Variants in SNX6 observed in about 807,000 individuals in gnomAD.
SNX6 encodes the protein sorting nexin 6.
SNX6 carries 34 observed loss-of-function variants against 63.0 expected under a neutral mutation model. That is an observed-to-expected ratio of 0.54 (90% CI 0.41 to 0.72). The LOEUF is 0.72. SNX6 is among the 30% of genes least tolerant of loss of function. The pLI is 0.00. For synonymous variants in SNX6, 170 were observed against 164.2 expected, an observed-to-expected ratio of 1.04 and a Z score of -0.27; for missense variants, 398 against 471.4, an observed-to-expected ratio of 0.84 and a Z score of 1.44.
At chr14:34,607,433 C>T (rs1594739152) in intron 4 of SNX6, among the ~76,000 whole-genome samples, 1 of 151,628 alleles carries the variant, frequency 6.6e-6, no homozygotes, top group African/African-American at 2.4e-5. Context: ...ATGGCGAAAT[C>T]CCGTCTCTAC....
chr14:34,595,047 G>A (rs976377793), intron 7 of SNX6, among the ~76,000 whole-genome samples: 7 of 152,080 alleles, frequency 4.6e-5, no homozygotes, highest in Non-Finnish European at 7.4e-5. Context: ...AGCCGAGATT[G>A]GGGCACTGCA....
chr14:34,600,292 T>C (rs1463313622), intron 6 of SNX6, among the ~76,000 whole-genome samples: 1 of 152,146 alleles, frequency 6.6e-6, no homozygotes, highest in Non-Finnish European at 1.5e-5. Context: ...GTCCAGCTTA[T>C]GTTTGCGTTT....
intron 8 of SNX6, among the ~76,000 whole-genome samples, chr14:34,592,033 G>C (rs909112153): frequency 2.6e-5 from 4 of 152,180 alleles, no homozygotes; most frequent in South Asian, 2.1e-4. Context: ...CAAGGGTAGA[G>C]ATTACAATCA....
Position 34,562,481 on chromosome 14 carries a change from C to G in SNX6, c.*641G>C, listed in dbSNP as rs1474149814. ...GATACAATGACCATAGAGTTAAAAA[C>G]TATCACTGTTATCGCTGTTTATTTT... On this transcript the variant is annotated 3_prime_UTR_variant, in exon 14 of 14. Coordinates refer to ENST00000362031, the MANE Select transcript of SNX6 (RefSeq NM_152233.4). 1 of 152,648 alleles carries G rather than the reference C, an allele frequency of 6.6e-6. No homozygotes were observed. The highest frequency in any genetic ancestry group is 1.5e-5 in the Non-Finnish European group (1 of 68,050). 9.5% of individuals were successfully genotyped at this position (152,648 alleles called of 1,614,324 possible). A position where few individuals can be genotyped will look rare whatever the true frequency, so the allele number is the denominator to read the frequency against.
chr14:34,629,465 A>G (rs1291016711), intron 2 of SNX6: 2 of 467,458 alleles, frequency 4.3e-6, no homozygotes, highest in Non-Finnish European at 8.5e-6. Flanking sequence ...CACCTGTACT[A>G]TTTGAGAGAG....
chr14:34,563,225 G>C (rs761561381), intron 13 of SNX6, 50 bp from the exon 14 acceptor site: 9 of 1,517,220 alleles, frequency 5.9e-6, no homozygotes, highest in Non-Finnish European at 8.2e-6. Flanking sequence ...AAACAATTCA[G>C]AAGACTCCTA....
intron 11 of SNX6, among the ~76,000 whole-genome samples, chr14:34,574,778 G>A (rs1055785096): frequency 6.6e-5 from 10 of 151,566 alleles, no homozygotes; most frequent in African/African-American, 1.9e-4. Context: ...GGCTGGTCTC[G>A]AACTCCCAAA....
intron 7 of SNX6, among the ~76,000 whole-genome samples, chr14:34,594,990 G>T (rs1024698450): frequency 4.6e-5 from 7 of 152,144 alleles, no homozygotes; most frequent in Non-Finnish European, 1.0e-4. Context: ...TACTTGGGAG[G>T]TTGAAGTGGG....
intron 8 of SNX6, among the ~76,000 whole-genome samples, chr14:34,587,725 G>A (rs1459730514): frequency 6.6e-6 from 1 of 151,494 alleles, no homozygotes; most frequent in Non-Finnish European, 1.5e-5. Flanking sequence ...TCAAGCTCCT[G>A]GGCTCAAGTG....
intron 9 of SNX6, among the ~76,000 whole-genome samples, chr14:34,584,189 C>T (rs571236507): frequency 3.3e-5 from 5 of 152,066 alleles, no homozygotes; most frequent in Admixed American, 2.6e-4. Context: ...CTTGCTTTGC[C>T]AAAAAGCGTG....
At chr14:34,604,389 G>T in intron 5 of SNX6, 2 of 819,612 alleles carry the variant, frequency 2.4e-6, no homozygotes, top group Non-Finnish European at 3.1e-6. Context: ...ATATCTGTCT[G>T]CTATCAGACC....
At chr14:34,573,581 A>G (rs111900120) in intron 11 of SNX6, among the ~76,000 whole-genome samples, 47 of 152,180 alleles carry the variant, frequency 3.1e-4, no homozygotes, top group African/African-American at 1.0e-3. Flanking sequence ...CCTTAAAAAA[A>G]AAACAAATTG....
chr14:34,630,105 A>G lies in SNX6; in HGVS notation c.6+6T>C. On this transcript the variant is annotated splice_donor_region_variant and intron_variant, in intron 1 of 13. Coordinates refer to ENST00000362031, the MANE Select transcript of SNX6 (RefSeq NM_152233.4). ...CCCGGGACTCGGCGCCGCGGAGAACACCCACCATCATGGCTGCTCCGAGGC... is the reference window on the plus strand; with the variant it reads ...CCCGGGACTCGGCGCCGCGGAGAACGCCCACCATCATGGCTGCTCCGAGGC... 1 of 1,440,228 alleles carries G rather than the reference A, an allele frequency of 6.9e-7. No individual in the cohort carries two copies. Among genetic ancestry groups the G allele is most frequent in the Non-Finnish European group, 9.0e-7 (1 of 1,107,784 alleles). The allele number at this position is 1,440,228 out of a possible 1,614,324, so 89.2% of individuals were successfully genotyped here.
chr14:34,624,890 A>G (rs1883767939), intron 2 of SNX6, among the ~76,000 whole-genome samples: 1 of 152,122 alleles, frequency 6.6e-6, no homozygotes, highest in African/African-American at 2.4e-5. Flanking sequence ...ACTTGTATCA[A>G]TATGTACTTC....
At chr14:34,602,419 C>T (rs1882850945) in intron 6 of SNX6, among the ~76,000 whole-genome samples, 4 of 131,016 alleles carry the variant, frequency 3.1e-5, no homozygotes, top group Admixed American at 2.9e-4. Context: ...AAGAGCGAAA[C>T]TGTCTTAAAA....
intron 11 of SNX6, among the ~76,000 whole-genome samples, chr14:34,570,657 G>A (rs1466493552): frequency 1.3e-5 from 2 of 150,906 alleles, no homozygotes; most frequent in Admixed American, 6.7e-5. Context: ...TCTCAACCTC[G>A]TGATCCACCT....
chr14:34,567,445 G>A (rs1881237947), intron 13 of SNX6, among the ~76,000 whole-genome samples: 1 of 152,110 alleles, frequency 6.6e-6, no homozygotes, highest in African/African-American at 2.4e-5. Flanking sequence ...TGAGATCATT[G>A]CCACTGCACT....
At chr14:34,591,163 A>G (rs1882376357) in intron 8 of SNX6, among the ~76,000 whole-genome samples, 2 of 152,084 alleles carry the variant, frequency 1.3e-5, no homozygotes, top group Non-Finnish European at 2.9e-5. Context: ...ACACATGCCA[A>G]AACTTACCAA....
chr14:34,629,774 C>T, intron 2 of SNX6, 133 bp downstream of exon 2: 2 of 1,374,752 alleles, frequency 1.5e-6, no homozygotes, highest in Non-Finnish European at 2.0e-6. Context: ...CGCGGTGCAG[C>T]GAGGAAACCG....
Sources: gnomAD v4.1 joint callset for allele counts (sites outside exome capture counted in the v4.1 genomes callset) on GRCh38, gnomAD v4.1.1 for gene constraint, MANE v1.5 for transcripts, NCBI Gene and HGNC (gene_info 2026-07-23, HGNC 2026-07-21) for gene names.